FAM171A2: variants seen among roughly 807,000 people sequenced by gnomAD.
FAM171A2 encodes the protein protein FAM171A2.
In FAM171A2, 13 loss-of-function variants were observed where a neutral mutation model predicts 34.2. That is an observed-to-expected ratio of 0.38 (90% confidence interval 0.25 to 0.60). The LOEUF (loss-of-function observed/expected upper bound fraction) is 0.60. FAM171A2 is among the 20% of genes least tolerant of loss of function. FAM171A2 has a pLI of 0.62. For synonymous variants in FAM171A2, 475 were observed against 561.2 expected, an observed-to-expected ratio of 0.85 and a Z score of 2.17; for missense variants, 950 against 1,180.7, an observed-to-expected ratio of 0.80 and a Z score of 2.86.
chr17:44,357,748 T>C (rs1048958515), intron 3 of FAM171A2, among the ~76,000 whole-genome samples: 2 of 151,624 alleles, frequency 1.3e-5, no homozygotes, highest in Non-Finnish European at 2.9e-5. Context: ...TGTGTGTGTG[T>C]GTGTGTGTGT....
rs1258269418 is a variant in FAM171A2, at chr17:44,356,035, T to G, written c.818A>C (p.Glu273Ala). Residue 273 changes from glutamate (E) to alanine (A), a missense_variant, in exon 6 of 8, where the codon GAA becomes GCA. Glu to Ala is a moderately radical substitution (Grantham distance 107, BLOSUM62 -1). Transcript: ENST00000293443. ...VRNGTGVIRK[E>A]GRQLYWTFVS... ...GAAGGTCCAGTAGAGCTGCCGGCCT[T>G]CCTTCCGGATTACACCAGTGCCATT... The G allele has an allele frequency of 1.1e-5, 17 of 1,548,404 alleles. No homozygotes were observed. The highest frequency in any genetic ancestry group is 1.3e-5 in the Non-Finnish European group (15 of 1,145,370).
rs1448996456 is a variant in FAM171A2 at position 44,360,085 on chromosome 17, G to T, written c.166C>A (p.Leu56Met). ...QVYVSGELVP[L>M]ARASVDVFGN... The stretch of plus-strand genomic sequence containing the variant: ...AACACATCCACTGAGGCCCGGGCCA[G>T]GGGCACCAGCTCCCCGCTCACATAC... Residue 56 changes from leucine to methionine, a missense_variant, in exon 2 of 8, where the codon CTG (leucine) becomes ATG (methionine). Around this residue, in one of 3 missense-constraint regions of FAM171A2, gnomAD observed 752 missense variants for 924.5 expected, o/e 0.81. Transcript: ENST00000293443. 6.4e-7 allele frequency: 1 copy of T among 1,551,620 alleles called. No individual in the cohort carries two copies. Among genetic ancestry groups the T allele is most frequent in the Non-Finnish European group, 8.7e-7 (1 of 1,146,996 alleles).
At position 44,353,683 on chromosome 17, in the gene FAM171A2, C is replaced by T. The variant is rs904660840; in HGVS notation, c.*50G>A. The T allele has an allele frequency of 3.3e-6, 4 of 1,222,878 alleles. No individual in the cohort carries two copies. Among genetic ancestry groups the T allele is most frequent in the Non-Finnish European group, 4.1e-6 (4 of 983,044 alleles). 75.8% of individuals were successfully genotyped at this position (1,222,878 alleles called of 1,614,324 possible). A position where few individuals can be genotyped will look rare whatever the true frequency, so the allele number is the denominator to read the frequency against. The stretch of plus-strand genomic sequence containing the variant: ...CCCCGCGGGCCCCCGGGGCGCGCAC[C>T]CTGGGTGCGGGCCCGCGCGGGAGGG... On this transcript the variant is annotated 3_prime_UTR_variant, in exon 8 of 8. Coordinates refer to ENST00000293443, the MANE Select transcript of FAM171A2 (RefSeq NM_198475.3).
At chr17:44,357,316 C>T (rs2048428628) in intron 3 of FAM171A2, among the ~76,000 whole-genome samples, 1 of 145,092 alleles carries the variant, frequency 6.9e-6, no homozygotes, top group Non-Finnish European at 1.5e-5. Context: ...CATTGCACTC[C>T]TGTCTGGGCA....
Position 44,354,327 on chromosome 17 carries a change from C to A in FAM171A2, c.1887G>T (p.Gln629His). 2.1e-6 allele frequency: 3 copies of A among 1,444,700 alleles called. No homozygotes were observed. Among genetic ancestry groups the A allele is most frequent in the East Asian group, 3.0e-5 (1 of 32,918 alleles). 89.5% of individuals were successfully genotyped at this position (1,444,700 alleles called of 1,614,324 possible). The change falls in exon 8 of 8, where the codon CAG becomes CAT. Residue 629 changes from glutamine (Q) to histidine (H), a missense_variant. By Grantham distance (24) the Gln-to-His change is conservative (BLOSUM62 0). Transcript: ENST00000293443. The surrounding 1 kb of genome is among the most constrained non-coding windows in gnomAD (Gnocchi z 5.8). The part of the protein sequence containing the change: ...PVLFNESTMA[Q>H]LNGELQALTE... ...TCAGGGCCTGCAGCTCCCCGTTGAG[C>A]TGCGCCATGGTGGACTCGTTGAATA...
Position 44,354,606 on chromosome 17 carries a change from G to A in FAM171A2, c.1608C>T (p.Val536=). 1 of 1,255,008 alleles carries A rather than the reference G, an allele frequency of 8.0e-7. No homozygotes were observed. The highest frequency in any genetic ancestry group is 1.0e-6 in the Non-Finnish European group (1 of 997,174). 77.7% of individuals were successfully genotyped at this position (1,255,008 alleles called of 1,614,324 possible). The part of the protein sequence containing the change: ...DHLKDNVYRN[V]MPTLVIPAHY... ...GCGCGGGGATCACCAGGGTGGGCATGACGTTGCGGTAGACGTTGTCCTTGA... is the reference window on the plus strand; with the variant it reads ...GCGCGGGGATCACCAGGGTGGGCATAACGTTGCGGTAGACGTTGTCCTTGA... Residue 536 remains valine (V), a synonymous_variant, in exon 8 of 8, where the codon GTC becomes GTT. Coordinates refer to ENST00000293443, the MANE Select transcript of FAM171A2 (RefSeq NM_198475.3). The surrounding 1 kb of genome is among the most constrained non-coding windows in gnomAD (Gnocchi z 5.8).
chr17:44,353,663 C>G lies in FAM171A2; in HGVS notation c.*70G>C. ...TGGGAGCTACGCGCGAGGGCCCCCGCGGGCCCCCGGGGCGCGCACCCTGGG... is the reference window on the plus strand; with the variant it reads ...TGGGAGCTACGCGCGAGGGCCCCCGGGGGCCCCCGGGGCGCGCACCCTGGG... On this transcript the variant is annotated 3_prime_UTR_variant, in exon 8 of 8. Coordinates refer to ENST00000293443, the MANE Select transcript of FAM171A2 (RefSeq NM_198475.3). 8.7e-7 allele frequency: 1 copy of G among 1,153,708 alleles called. No homozygotes were observed. The highest frequency in any genetic ancestry group is 1.1e-6 in the Non-Finnish European group (1 of 928,764). 71.5% of individuals were successfully genotyped at this position (1,153,708 alleles called of 1,614,324 possible). A position where few individuals can be genotyped will look rare whatever the true frequency, so the allele number is the denominator to read the frequency against.
At chr17:44,359,841 T>C (rs1466683251) in intron 2 of FAM171A2, 64 bp downstream of exon 2, 14 of 1,462,324 alleles carry the variant, frequency 9.6e-6, no homozygotes, top group Non-Finnish European at 1.3e-5. Context: ...AAGGAGACTA[T>C]TTTGGGAAGG....
At position 44,353,442 on chromosome 17, in the gene FAM171A2, A is replaced by C; in HGVS notation, c.*291T>G. 1 of 180,654 alleles carries C rather than the reference A, an allele frequency of 5.5e-6. No homozygotes were observed. The highest frequency in any genetic ancestry group is 1.5e-4 in the East Asian group (1 of 6,470). The allele number at this position is 180,654 out of a possible 1,614,324, so 11.2% of individuals were successfully genotyped here. A position where few individuals can be genotyped will look rare whatever the true frequency, so the allele number is the denominator to read the frequency against. ...GGGTCACCCCTCCTGCTTTCCCACA[A>C]TAGAGCTTTCTATGTACAGCCACGT... On this transcript the variant is annotated 3_prime_UTR_variant, in exon 8 of 8. Coordinates refer to ENST00000293443, the MANE Select transcript of FAM171A2 (RefSeq NM_198475.3).
Position 44,361,299 on chromosome 17 carries a change from C to A in FAM171A2, c.119-1167G>T, listed in dbSNP as rs530166186. Among the ~76,000 whole-genome samples, 7 of 152,348 alleles carry A rather than the reference C, an allele frequency of 4.6e-5. No homozygotes were observed. In the South Asian group the frequency reaches 1.2e-3, roughly 27 times the overall value. On this transcript the variant is annotated intron_variant, in intron 1 of 7. Transcript: ENST00000293443. ...CCCTCAAGAACACACTTCGCCCCTA[C>A]CTTCCTGCTAACAAGGTGTGTCATG...
At chr17:44,359,836 G>A in intron 2 of FAM171A2, 69 bp downstream of exon 2, 2 of 1,453,510 alleles carry the variant, frequency 1.4e-6, no homozygotes, top group Non-Finnish European at 1.8e-6. Flanking sequence ...CCCCCAAGGA[G>A]ACTATTTTGG....
Position 44,353,664 on chromosome 17 carries a change from G to A in FAM171A2, c.*69C>T, listed in dbSNP as rs2143357123. 1.7e-6 allele frequency: 2 copies of A among 1,158,130 alleles called. No homozygotes were observed. The highest frequency in any genetic ancestry group is 1.7e-5 in the African/African-American group (1 of 59,578). The allele number at this position is 1,158,130 out of a possible 1,614,324, so 71.7% of individuals were successfully genotyped here. On this transcript the variant is annotated 3_prime_UTR_variant, in exon 8 of 8. Transcript: ENST00000293443. ...GGGAGCTACGCGCGAGGGCCCCCGC[G>A]GGCCCCCGGGGCGCGCACCCTGGGT...
Position 44,353,941 on chromosome 17 carries a change from G to GCCGCCACCTCGTCCAGCAGCGGCGT in FAM171A2, c.2248_2272dup (p.Ala758AspfsTer108). On this transcript the variant is annotated frameshift_variant, in exon 8 of 8. Coordinates refer to ENST00000293443, the MANE Select transcript of FAM171A2 (RefSeq NM_198475.3). LOFTEE classifies it low-confidence loss of function (END_TRUNC). The stretch of plus-strand genomic sequence containing the variant: ...TACCGTGGCCGCCCGGCCCTCGGGC[G>GCCGCCACCTCGTCCAGCAGCGGCGT]CCGCCACCTCGTCCAGCAGCGGCGT... 1 of 1,294,342 alleles carries GCCGCCACCTCGTCCAGCAGCGGCGT rather than the reference G, an allele frequency of 7.7e-7. No individual in the cohort carries two copies. 80.2% of individuals were successfully genotyped at this position (1,294,342 alleles called of 1,614,324 possible). A position where few individuals can be genotyped will look rare whatever the true frequency, so the allele number is the denominator to read the frequency against.
At position 44,360,285 on chromosome 17, in the gene FAM171A2, A is replaced by G. The variant is rs111505833; in HGVS notation, c.119-153T>C. Among the ~76,000 whole-genome samples the G allele has an allele frequency of 4.2e-3, 637 of 152,326 alleles. 6 individuals are homozygous for G. The highest frequency in any genetic ancestry group is 0.015 in the African/African-American group (609 of 41,570). ...ATTTAAGACCCAGCATTCACAGAGC[A>G]CTCACTGAAACCTCCTATCAGCCCA... On this transcript the variant is annotated intron_variant, in intron 1 of 7. Transcript: ENST00000293443.
In FAM171A2 at chr17:44,363,819, C is replaced by T. The variant is rs1238272066; in HGVS notation, c.-105G>A. The T allele has an allele frequency of 2.2e-6, 1 of 446,890 alleles. No individual in the cohort carries two copies. Among genetic ancestry groups the T allele is most frequent in the Non-Finnish European group, 3.4e-6 (1 of 297,912 alleles). The allele number at this position is 446,890 out of a possible 1,614,324, so 27.7% of individuals were successfully genotyped here. On this transcript the variant is annotated 5_prime_UTR_variant, in exon 1 of 8. Coordinates refer to ENST00000293443, the MANE Select transcript of FAM171A2 (RefSeq NM_198475.3). ...CGCCGCGCCTCGCAGCTCCGGCTCCCGCTCCCGCTGCGGCGCCCGCTCAGC... is the reference window on the plus strand; with the variant it reads ...CGCCGCGCCTCGCAGCTCCGGCTCCTGCTCCCGCTGCGGCGCCCGCTCAGC...
In FAM171A2 at chr17:44,354,725, CG is replaced by C; in HGVS notation, c.1488del (p.Asp497ThrfsTer45). The C allele has an allele frequency of 1.5e-6, 2 of 1,330,614 alleles. No individual in the cohort carries two copies. Among genetic ancestry groups the C allele is most frequent in the Admixed American group, 3.7e-5 (1 of 26,862 alleles). 82.4% of individuals were successfully genotyped at this position (1,330,614 alleles called of 1,614,324 possible). On this transcript the variant is annotated frameshift_variant, in exon 8 of 8. Coordinates refer to ENST00000293443, the MANE Select transcript of FAM171A2 (RefSeq NM_198475.3). LOFTEE classifies it low-confidence loss of function (END_TRUNC). The surrounding 1 kb of genome is among the most constrained non-coding windows in gnomAD (Gnocchi z 5.8). ...TCCACCGACTGCGACAGCAGGAAGT[CG>C]GGGGTCTTGCCCTCGGCCGCCCCCT... ...GHKGAAEGKT[P>X]DFLLSQSVDQ...
chr17:44,363,671 G>C lies in FAM171A2; in HGVS notation c.44C>G (p.Pro15Arg), dbSNP rs967727775. 8.2e-6 allele frequency: 10 copies of C among 1,225,836 alleles called. No homozygotes were observed. The highest frequency in any genetic ancestry group is 1.0e-5 in the Non-Finnish European group (10 of 983,802). 75.9% of individuals were successfully genotyped at this position (1,225,836 alleles called of 1,614,324 possible). A position where few individuals can be genotyped will look rare whatever the true frequency, so the allele number is the denominator to read the frequency against. Residue 15 changes from proline to arginine, a missense_variant, in exon 1 of 8, where the codon CCG becomes CGG. Physicochemically the swap from Pro to Arg is moderately radical, Grantham distance 103. This residue lies in a region of FAM171A2 where 752 missense variants were observed against 924.5 expected (regional missense o/e 0.81). Coordinates refer to ENST00000293443, the MANE Select transcript of FAM171A2 (RefSeq NM_198475.3). ...SGPSVLARLL[P>R]LLGLLLGSAS... ...GCTGCCGAGCAGCAGCCCCAGCAGCGGCAACAGCCGCGCGAGGACGCTGGG... is the reference window on the plus strand; with the variant it reads ...GCTGCCGAGCAGCAGCCCCAGCAGCCGCAACAGCCGCGCGAGGACGCTGGG...
In FAM171A2 at chr17:44,353,646, A is replaced by C; in HGVS notation, c.*87T>G. ...CCTCTCCGGCCTGGGGCTGGGAGCT[A>C]CGCGCGAGGGCCCCCGCGGGCCCCC... is the stretch of plus-strand genomic sequence containing the variant. On this transcript the variant is annotated 3_prime_UTR_variant, in exon 8 of 8. Transcript: ENST00000293443. 1 of 1,024,526 alleles carries C rather than the reference A, an allele frequency of 9.8e-7. No individual in the cohort carries two copies. Among genetic ancestry groups the C allele is most frequent in the Non-Finnish European group, 1.2e-6 (1 of 814,944 alleles). The allele number at this position is 1,024,526 out of a possible 1,614,324, so 63.5% of individuals were successfully genotyped here. A position where few individuals can be genotyped will look rare whatever the true frequency, so the allele number is the denominator to read the frequency against.
At chr17:44,359,884 T>C (rs2048441134) in intron 2 of FAM171A2, 21 bp downstream of exon 2, 2 of 1,508,116 alleles carry the variant, frequency 1.3e-6, no homozygotes, top group Non-Finnish European at 1.8e-6. Flanking sequence ...GTCCCCCCCC[T>C]CCACCTGCCC....
Sources: allele counts gnomAD v4.1 joint callset (sites outside exome capture counted in the v4.1 genomes callset), GRCh38; gene constraint gnomAD v4.1.1; regional missense constraint gnomAD v4.1.1; non-coding constraint Gnocchi (gnomAD v3.1); transcripts MANE v1.5; gene names NCBI Gene and HGNC (gene_info 2026-07-23, HGNC 2026-07-21).